The following NKIRAS1 variants were observed in gnomAD, a reference collection of about 807,000 sequenced individuals.
NKIRAS1 encodes the protein NFKB inhibitor interacting Ras like 1, also known as NF-kappa-B inhibitor-interacting Ras-like protein 1.
Under a neutral mutation model 19.8 loss-of-function variants are expected in NKIRAS1, and 16 were observed. The observed-to-expected ratio is 0.81, with a 90% confidence interval of 0.55 to 1.23. The LOEUF (loss-of-function observed/expected upper bound fraction) is 1.23. Ranked by LOEUF, NKIRAS1 falls within the 50% of genes most tolerant of loss-of-function variation. The pLI is 0.00. For synonymous variants in NKIRAS1, 88 were observed against 79.0 expected (o/e 1.11, Z -0.61); for missense variants, 184 against 220.0 (o/e 0.84, Z 1.04).
In NKIRAS1 at chr3:23,892,712, G is replaced by C. The variant is rs1291157455; in HGVS notation, c.*383C>G. 1 of 155,176 alleles carries C rather than the reference G, an allele frequency of 6.4e-6. No individual in the cohort carries two copies. The highest frequency in any genetic ancestry group is 1.4e-5 in the Non-Finnish European group (1 of 70,074). The allele number at this position is 155,176 out of a possible 1,614,324, so 9.6% of individuals were successfully genotyped here. On this transcript the variant is annotated 3_prime_UTR_variant, in exon 5 of 5. Transcript: ENST00000425478. ...AAAAACAAAGTCATGTTTGGGCTTAGAAGTTTGCATAATGTTACACAGAAT... is the reference window on the plus strand; with the variant it reads ...AAAAACAAAGTCATGTTTGGGCTTACAAGTTTGCATAATGTTACACAGAAT...
intron 1 of NKIRAS1, among the ~76,000 whole-genome samples, chr3:23,911,991 T>C (rs1487194582): frequency 6.6e-6 from 1 of 151,932 alleles, no homozygotes; most frequent in African/African-American, 2.4e-5. Flanking sequence ...CTCAAACTCC[T>C]GACCTCAAGT....
At chr3:23,897,689 C>T (rs1177024705) in intron 4 of NKIRAS1, among the ~76,000 whole-genome samples, 3 of 152,176 alleles carry the variant, frequency 2.0e-5, no homozygotes, top group Non-Finnish European at 4.4e-5. Flanking sequence ...CAGACATCAG[C>T]TTTGTTCCCT....
At chr3:23,920,585 A>T, upstream of NKIRAS1, 1 of 985,292 alleles carries the variant, frequency 1.0e-6, no homozygotes, top group Non-Finnish European at 1.2e-6. Context: ...TGTAAAGAAA[A>T]TGTAGACAAG....
chr3:23,938,200 G>A (rs1359195614), intron 1 of NKIRAS1, among the ~76,000 whole-genome samples: 1 of 141,060 alleles, frequency 7.1e-6, no homozygotes, highest in Non-Finnish European at 1.5e-5. Context: ...TCATTGAGAA[G>A]TACAGTACCT....
In NKIRAS1 at chr3:23,926,353, T is replaced by C. The variant is rs1705212349; in HGVS notation, c.-139-14903A>G. Among the ~76,000 whole-genome samples the C allele has an allele frequency of 6.6e-6, 1 of 152,152 alleles. No individual in the cohort carries two copies. Among genetic ancestry groups the C allele is most frequent in the South Asian group, 2.1e-4 (1 of 4,826 alleles). ...AGGTATGAGCCATGGCGCCCGGCCA[T>C]AGTACTGACTTAGACCCTTGAAATT... is the stretch of plus-strand genomic sequence containing the variant. On this transcript the variant is annotated intron_variant, in intron 1 of 4. Transcript: ENST00000421515. This position sits in a 1 kb window ranked among gnomAD's most constrained non-coding sequence, Gnocchi z 4.3.
At chr3:23,911,810 T>G (rs1455660650) in intron 1 of NKIRAS1, among the ~76,000 whole-genome samples, 6 of 147,420 alleles carry the variant, frequency 4.1e-5, no homozygotes, top group Non-Finnish European at 7.5e-5. Context: ...TCACTCAGGC[T>G]GGAGTGCAGT....
Position 23,900,894 on chromosome 3 carries a change from G to T in NKIRAS1, c.250C>A (p.Leu84Ile). 6.2e-7 allele frequency: 1 copy of T among 1,614,002 alleles called. No individual in the cohort carries two copies. Among genetic ancestry groups the T allele is most frequent in the South Asian group, 1.1e-5 (1 of 91,072 alleles). Reference protein sequence around the residue: ...HYFSFADGFVLVYSVNNLESF... With the variant: ...HYFSFADGFVIVYSVNNLESF... ...TCAAGGTTATTCACACTGTACACAAGAACGAAGCCATCAGCAAATGAAAAA... is the reference window on the plus strand; with the variant it reads ...TCAAGGTTATTCACACTGTACACAATAACGAAGCCATCAGCAAATGAAAAA... Residue 84 changes from leucine (L) to isoleucine (I), a missense_variant, in exon 4 of 5, where the codon CTT (leucine) becomes ATT (isoleucine). Physicochemically the swap from Leu to Ile is conservative, Grantham distance 5 (BLOSUM62 2). Coordinates refer to ENST00000425478, the MANE Select transcript of NKIRAS1 (RefSeq NM_020345.4).
intron 3 of NKIRAS1, among the ~76,000 whole-genome samples, chr3:23,908,836 T>C (rs1490345891): frequency 8.9e-5 from 13 of 146,782 alleles, no homozygotes; most frequent in African/African-American, 3.0e-4. Context: ...CCTGGATAAT[T>C]TCTTTCTTTC....
chr3:23,928,031 T>C (rs1705238185), intron 1 of NKIRAS1, among the ~76,000 whole-genome samples: 1 of 151,952 alleles, frequency 6.6e-6, no homozygotes, highest in Non-Finnish European at 1.5e-5. Flanking sequence ...GTGAGCCATG[T>C]TGGTGCCACT....
chr3:23,912,567 A>C (rs1320317687), intron 1 of NKIRAS1, among the ~76,000 whole-genome samples: 4 of 152,210 alleles, frequency 2.6e-5, no homozygotes, highest in African/African-American at 9.7e-5. Flanking sequence ...ATGTGGAGAA[A>C]TAGGAACACT....
upstream of NKIRAS1, chr3:23,919,970 G>C: frequency 1.0e-6 from 1 of 988,484 alleles, no homozygotes; most frequent in Non-Finnish European, 1.2e-6. Context: ...AATTGCCTCA[G>C]CCTCCACAGT....
chr3:23,922,718 G>C lies in NKIRAS1; in HGVS notation c.-139-11268C>G, dbSNP rs1045345333. 1 of 152,156 alleles carries C rather than the reference G, an allele frequency of 6.6e-6. No homozygotes were observed. The highest frequency in any genetic ancestry group is 2.4e-5 in the African/African-American group (1 of 41,428). 9.4% of individuals were successfully genotyped at this position (152,156 alleles called of 1,614,324 possible). On this transcript the variant is annotated intron_variant, in intron 1 of 4. Transcript: ENST00000421515. This position sits in a 1 kb window ranked among gnomAD's most constrained non-coding sequence, Gnocchi z 4.2. ...AGTTTTTGATAGATAATACATTAAC[G>C]TTAAAAATTCAAAAGATAAGTATAG...
chr3:23,901,927 G>A (rs777567406), intron 3 of NKIRAS1, among the ~76,000 whole-genome samples: 3 of 152,128 alleles, frequency 2.0e-5, no homozygotes, highest in Middle Eastern at 3.2e-3. Flanking sequence ...ACAAAAATTC[G>A]CTGGGTGTGG....
chr3:23,945,787 C>T (rs1022581786), intron 1 of NKIRAS1, among the ~76,000 whole-genome samples: 3 of 150,504 alleles, frequency 2.0e-5, no homozygotes, highest in African/African-American at 7.3e-5. Flanking sequence ...TCTTGTCTCC[C>T]TGCAAAGCCG....
intron 1 of NKIRAS1, among the ~76,000 whole-genome samples, chr3:23,932,118 TCA>T (rs1417325401): frequency 6.6e-6 from 1 of 152,124 alleles, no homozygotes; most frequent in Non-Finnish European, 1.5e-5. Context: ...AACTGAAAAC[TCA>T]CAACTAAATG....
chr3:23,909,150 A>G (rs1703384555), intron 3 of NKIRAS1, among the ~76,000 whole-genome samples: 1 of 152,240 alleles, frequency 6.6e-6, no homozygotes, highest in Non-Finnish European at 1.5e-5. Context: ...AACACTAAAT[A>G]TGAATTTAAC....
rs2125264389 is a variant in NKIRAS1, at chr3:23,927,136, G to C, written c.-139-15686C>G. 6.6e-6 allele frequency among the ~76,000 whole-genome samples: 1 copy of C among 152,242 alleles called. No homozygotes were observed. Among genetic ancestry groups the C allele is most frequent in the South Asian group, 2.1e-4 (1 of 4,814 alleles). On this transcript the variant is annotated intron_variant, in intron 1 of 4. Transcript: ENST00000421515. The surrounding 1 kb of genome is among the most constrained non-coding windows in gnomAD (Gnocchi z 4.0). ...AGTGAACATCATCACTATACATATA[G>C]TTTTCAACCTATTTTTATATAAGAA...
intron 1 of NKIRAS1, among the ~76,000 whole-genome samples, chr3:23,937,236 G>A (rs1274409445): frequency 2.0e-5 from 3 of 152,096 alleles, no homozygotes; most frequent in Non-Finnish European, 2.9e-5. Flanking sequence ...AAAATTTGCC[G>A]GGCGTGTGCC....
intron 1 of NKIRAS1, among the ~76,000 whole-genome samples, chr3:23,939,285 A>G (rs1705450822): frequency 6.6e-6 from 1 of 152,236 alleles, no homozygotes; most frequent in Non-Finnish European, 1.5e-5. Context: ...GATAAAAATA[A>G]AATGGAAGGA....
Sources: gnomAD v4.1 joint callset for allele counts (sites outside exome capture counted in the v4.1 genomes callset) on GRCh38, gnomAD v4.1.1 for gene constraint, Gnocchi (gnomAD v3.1) non-coding constraint, MANE v1.5 for transcripts, NCBI Gene and HGNC (gene_info 2026-07-23, HGNC 2026-07-21) for gene names.